The following SYNE1 variants were observed in gnomAD, a reference collection of about 807,000 sequenced individuals.
SYNE1 encodes the protein spectrin repeat containing nuclear envelope protein 1.
A neutral mutation model predicts 1,111.0 loss-of-function variants in SYNE1; 616 were observed. The ratio of observed to expected loss-of-function variants is 0.55; its 90% CI spans 0.52 to 0.59. The LOEUF (loss-of-function observed/expected upper bound fraction) is 0.59. Ranked by LOEUF, SYNE1 falls within the 20% of genes least tolerant of loss-of-function variation. The pLI, the probability that SYNE1 is intolerant of heterozygous loss-of-function variation, is 0.00. For synonymous variants in SYNE1, 3,855 were observed against 3,825.8 expected, an observed-to-expected ratio of 1.01 and a Z score of -0.28; for missense variants, 10,006 against 10,417.0, an observed-to-expected ratio of 0.96 and a Z score of 1.72.
chr6:152,167,265 C>T (rs554159821), intron 130 of SYNE1, among the ~76,000 whole-genome samples: 132 of 152,288 alleles, frequency 8.7e-4, no homozygotes, highest in African/African-American at 3.0e-3. Flanking sequence ...TACGTACTTA[C>T]ACATATATGC....
chr6:152,369,538 A>G lies in SYNE1; in HGVS notation c.9584T>C (p.Met3195Thr), dbSNP rs1398398021. 2.5e-6 allele frequency: 4 copies of G among 1,614,024 alleles called. No individual in the cohort carries two copies. Among genetic ancestry groups the G allele is most frequent in the Non-Finnish European group, 3.4e-6 (4 of 1,180,028 alleles). ...GAGGCGATTGCTGCTTTCATGGACC[A>G]TCTTCTCAGTTTTACTCAGCCAGTC... is the stretch of plus-strand genomic sequence containing the variant. ...IQDWLSKTEK[M>T]VHESSNRLYD... Residue 3195 changes from methionine to threonine, a missense_variant, in exon 60 of 146, where the codon ATG becomes ACG. By Grantham distance (81) the Met-to-Thr change is moderately conservative (BLOSUM62 -1). This residue lies in a region of SYNE1 where 4,955 missense variants were observed against 5,017.2 expected (regional missense o/e 0.99). Transcript: ENST00000367255.
chr6:152,430,628 TAACA>T lies in SYNE1; in HGVS notation c.4539_4542del (p.Phe1513LeufsTer13). The T allele has an allele frequency of 6.2e-7, 1 of 1,614,112 alleles. No individual in the cohort carries two copies. Among genetic ancestry groups the T allele is most frequent in the East Asian group, 2.2e-5 (1 of 44,874 alleles). On this transcript the variant is annotated frameshift_variant, in exon 35 of 146. Transcript: ENST00000367255. LOFTEE classifies it high-confidence loss of function. ...TTAATTCGAGCAGATTCTCCAGTGGTAACAAACTGAGCAAAAGACTGGGCTTCTT... is the reference window on the plus strand; with the variant it reads ...TTAATTCGAGCAGATTCTCCAGTGGTAACTGAGCAAAAGACTGGGCTTCTT...
intron 4 of SYNE1, among the ~76,000 whole-genome samples, chr6:152,535,612 G>T (rs534057771): frequency 6.6e-6 from 1 of 151,762 alleles, no homozygotes; most frequent in Non-Finnish European, 1.5e-5. Flanking sequence ...TTGAATCAAG[G>T]GTGTTTAAAT....
intron 63 of SYNE1, among the ~76,000 whole-genome samples, chr6:152,364,591 A>G (rs999008978): frequency 2.0e-5 from 3 of 151,968 alleles, no homozygotes; most frequent in African/African-American, 7.3e-5. Flanking sequence ...TTCTAATAAG[A>G]AAAAAGAAAG....
Position 152,312,450 on chromosome 6 carries a change from G to A in SYNE1, c.16711-1577C>T, listed in dbSNP as rs151289133. On this transcript the variant is annotated intron_variant, in intron 87 of 145. Transcript: ENST00000367255. ...TCTCAAACTCCTGACCTTGTGATCC[G>A]CCAGCCTCGGTCCCCCAAAGTGCTG... 1.1e-3 allele frequency among the ~76,000 whole-genome samples: 165 copies of A among 150,696 alleles called. 4 individuals are homozygous for A. The East Asian group carries it at 0.029, about 27-fold the overall frequency.
chr6:152,493,607 A>G (rs1183730797), intron 11 of SYNE1, among the ~76,000 whole-genome samples: 1 of 152,074 alleles, frequency 6.6e-6, no homozygotes. Context: ...GATCTTCCCA[A>G]CAGGACATCC....
rs539649819 is a variant in SYNE1 at position 152,391,268 on chromosome 6, C to T, written c.8004+9G>A. Reference sequence around the variant, plus strand: ...GCAGTTGTCAGTGTCTGGCTGGTGTCGCATGTACCTGTATTTGTGACAGCC... The same window carrying T: ...GCAGTTGTCAGTGTCTGGCTGGTGTTGCATGTACCTGTATTTGTGACAGCC... On this transcript the variant is annotated intron_variant, in intron 52 of 145. Transcript: ENST00000367255. 1.5e-5 allele frequency: 25 copies of T among 1,613,718 alleles called. No individual in the cohort carries two copies. Among genetic ancestry groups the T allele is most frequent in the Admixed American group, 1.2e-4 (7 of 60,002 alleles).
chr6:152,609,652 A>T (rs1428211656), intron 3 of SYNE1, among the ~76,000 whole-genome samples: 3 of 152,110 alleles, frequency 2.0e-5, no homozygotes, highest in African/African-American at 7.3e-5. Context: ...GCTCTGAGAA[A>T]GGACAGACTG....
chr6:152,475,624 A>G (rs1393089907), intron 14 of SYNE1, among the ~76,000 whole-genome samples: 1 of 152,228 alleles, frequency 6.6e-6, no homozygotes, highest in Non-Finnish European at 1.5e-5. Flanking sequence ...GAACTTGAGC[A>G]TGCCCATTAA....
intron 117 of SYNE1, among the ~76,000 whole-genome samples, chr6:152,223,898 A>G (rs2153476025): frequency 6.6e-6 from 1 of 152,248 alleles, no homozygotes; most frequent in South Asian, 2.1e-4. Flanking sequence ...GGCAGCAGGA[A>G]TTTGAGGGCG....
intron 63 of SYNE1, chr6:152,363,642 C>A (rs1324300589): frequency 9.5e-6 from 4 of 420,798 alleles, no homozygotes; most frequent in East Asian, 1.6e-4. Flanking sequence ...TCCATCCACA[C>A]CCCCGGATCA....
Position 152,359,329 on chromosome 6 carries a change from G to A in SYNE1, c.10429C>T (p.Gln3477Ter). The A allele has an allele frequency of 6.2e-7, 1 of 1,614,040 alleles. No individual in the cohort carries two copies. The highest frequency in any genetic ancestry group is 1.3e-5 in the African/African-American group (1 of 75,044). ...QDLQERYRAI[Q>*]ERAKEAVTKS... ...CTTTGCCGTACCTTGGCCCTCTCTT[G>A]GATGGCTCTGTATCGTTCCTGTAGA... The change falls in exon 65 of 146, where the codon CAA becomes TAA. Residue 3477 changes from glutamine to a stop codon, truncating the protein, a stop_gained. Transcript: ENST00000367255. LOFTEE classifies it high-confidence loss of function.
At chr6:152,405,016 A>G (rs2097875273) in intron 45 of SYNE1, 1 of 152,220 alleles carries the variant, frequency 6.6e-6, no homozygotes, top group Non-Finnish European at 1.5e-5. Context: ...GATGCCTTCA[A>G]TTCAGAAAGG....
At chr6:152,560,094 C>T (rs1397640885) in intron 3 of SYNE1, among the ~76,000 whole-genome samples, 1 of 151,972 alleles carries the variant, frequency 6.6e-6, no homozygotes, top group African/African-American at 2.4e-5. Flanking sequence ...GGCTCACACC[C>T]GAAATCCCAG....
At chr6:152,425,763 G>A (rs2098342069) in intron 38 of SYNE1, among the ~76,000 whole-genome samples, 1 of 152,068 alleles carries the variant, frequency 6.6e-6, no homozygotes, top group Non-Finnish European at 1.5e-5. Flanking sequence ...GGGGAATTTG[G>A]TTCCATTCCA....
intron 127 of SYNE1, 95 bp from the exon 128 acceptor site, chr6:152,189,502 A>T: frequency 8.5e-7 from 1 of 1,183,176 alleles, no homozygotes; most frequent in Non-Finnish European, 1.2e-6. Context: ...TTTCCTTTGT[A>T]TAGCCCTCAA....
chr6:152,325,440 T>G (rs1399892290), intron 80 of SYNE1, 138 bp from the exon 81 acceptor site: 9 of 758,960 alleles, frequency 1.2e-5, no homozygotes, highest in Non-Finnish European at 2.0e-5. Context: ...CTCCTCTAGG[T>G]ACTCTTACTT....
intron 117 of SYNE1, among the ~76,000 whole-genome samples, chr6:152,223,503 C>T (rs957919732): frequency 6.6e-6 from 1 of 152,144 alleles, no homozygotes; most frequent in African/African-American, 2.4e-5. Flanking sequence ...GCCGTAATCC[C>T]AGCTACTCAG....
chr6:152,476,542 T>C (rs11755737), intron 14 of SYNE1, among the ~76,000 whole-genome samples: 30,089 of 151,926 alleles, frequency 0.2, 3,116 homozygotes, highest in East Asian at 0.33. Flanking sequence ...TATTCTCACA[T>C]AGCAGCCATA....
Sources: allele counts gnomAD v4.1 joint callset (sites outside exome capture counted in the v4.1 genomes callset), GRCh38; gene constraint gnomAD v4.1.1; regional missense constraint gnomAD v4.1.1; transcripts MANE v1.5; gene names NCBI Gene and HGNC (gene_info 2026-07-23, HGNC 2026-07-21).